The following EBF1 variants were observed in gnomAD, a reference collection of about 807,000 sequenced individuals.
The protein encoded by EBF1 is EBF transcription factor 1.
In EBF1, 10 loss-of-function variants were observed where a neutral mutation model predicts 68.4. The ratio of observed to expected loss-of-function variants is 0.15; its 90% confidence interval spans 0.09 to 0.25. EBF1 has a LOEUF of 0.25. Ranked by LOEUF, EBF1 falls within the 10% of genes least tolerant of loss-of-function variation. The probability of loss-of-function intolerance (pLI) is 1.00; values close to 1 mark genes in which losing one functional copy is unlikely to be tolerated. For missense variants in EBF1, 509 were observed against 794.4 expected (o/e 0.64, Z 4.32); for synonymous variants, 298 against 299.8 (o/e 0.99, Z 0.06).
At chr5:158,904,917 G>A (rs1265200763) in intron 6 of EBF1, among the ~76,000 whole-genome samples, 1 of 152,164 alleles carries the variant, frequency 6.6e-6, no homozygotes, top group Non-Finnish European at 1.5e-5. Flanking sequence ...AGACAACAAT[G>A]TGCCCTACTA....
At chr5:158,995,768 T>C (rs1380007096) in intron 6 of EBF1, among the ~76,000 whole-genome samples, 1 of 152,212 alleles carries the variant, frequency 6.6e-6, no homozygotes, top group Non-Finnish European at 1.5e-5. Flanking sequence ...CTCAGTTCCT[T>C]CTTTCTTCAT....
At chr5:159,047,760 T>A (rs1320030571) in intron 6 of EBF1, among the ~76,000 whole-genome samples, 1 of 152,170 alleles carries the variant, frequency 6.6e-6, no homozygotes, top group Non-Finnish European at 1.5e-5. Context: ...CATTGCCACA[T>A]ACCCCATTAC....
chr5:159,081,729 G>T (rs1363847649), intron 5 of EBF1, among the ~76,000 whole-genome samples: 2 of 152,154 alleles, frequency 1.3e-5, no homozygotes, highest in African/African-American at 4.8e-5. Context: ...CTGGGAACTA[G>T]GTTCACTGAC....
intron 4 of EBF1, among the ~76,000 whole-genome samples, chr5:159,091,197 G>A (rs552057922): frequency 1.3e-5 from 2 of 152,200 alleles, no homozygotes; most frequent in African/African-American, 2.4e-5. Context: ...AAATATCCCC[G>A]AACAAATGGC....
intron 9 of EBF1, among the ~76,000 whole-genome samples, chr5:158,783,862 G>A (rs1047159550): frequency 4.6e-5 from 7 of 152,186 alleles, no homozygotes; most frequent in African/African-American, 1.7e-4. Context: ...GAGGCAGCCT[G>A]CAAAGTCTGG....
intron 10 of EBF1, among the ~76,000 whole-genome samples, chr5:158,748,132 C>T (rs17634609): frequency 0.28 from 43,085 of 152,064 alleles, 6,535 homozygotes; most frequent in African/African-American, 0.37. Flanking sequence ...TCCACATATG[C>T]TACATAAAGA....
At chr5:158,821,629 A>C (rs917564699) in intron 8 of EBF1, among the ~76,000 whole-genome samples, 1 of 152,110 alleles carries the variant, frequency 6.6e-6, no homozygotes, top group Non-Finnish European at 1.5e-5. Flanking sequence ...GTATTTCCCT[A>C]ATTTTTTCTT....
chr5:159,097,129 C>G lies in EBF1; in HGVS notation c.136G>C (p.Gly46Arg). The G allele has an allele frequency of 6.2e-7, 1 of 1,613,368 alleles. No homozygotes were observed. The highest frequency in any genetic ancestry group is 2.2e-5 in the East Asian group (1 of 44,858). ...VLDANTAAQS[G>R]VGLARAHFEK... Reference sequence around the variant, plus strand: ...AAGTGAGCCCGGGCCAGACCCACCCCGCTGCGGCCAAAGACGCAGAGTTAG... The same window carrying G: ...AAGTGAGCCCGGGCCAGACCCACCCGGCTGCGGCCAAAGACGCAGAGTTAG... Residue 46 changes from glycine to arginine, a missense_variant and splice_region_variant, in exon 2 of 16, where the codon GGG becomes CGG. By Grantham distance (125) the Gly-to-Arg change is moderately radical. Around this residue, in one of 3 missense-constraint regions of EBF1, gnomAD observed 74 missense variants for 79.4 expected, o/e 0.93. Transcript: ENST00000313708.
intron 6 of EBF1, among the ~76,000 whole-genome samples, chr5:158,843,506 C>T (rs1790758269): frequency 1.3e-5 from 2 of 152,236 alleles, no homozygotes; most frequent in Admixed American, 1.3e-4. Context: ...TGGCCTGTCA[C>T]TTGGCATGCT....
chr5:158,771,135 A>C (rs1280605050), intron 10 of EBF1, among the ~76,000 whole-genome samples: 1 of 152,152 alleles, frequency 6.6e-6, no homozygotes, highest in Non-Finnish European at 1.5e-5. Flanking sequence ...CTTTACTCAT[A>C]ATCAAAGCTG....
At chr5:159,042,380 A>G (rs1323776008) in intron 6 of EBF1, among the ~76,000 whole-genome samples, 3 of 152,258 alleles carry the variant, frequency 2.0e-5, no homozygotes, top group African/African-American at 7.2e-5. Context: ...TCAAAGGCAA[A>G]GCCTGGACCC....
intron 6 of EBF1, among the ~76,000 whole-genome samples, chr5:159,042,867 A>T (rs1561867621): frequency 1.3e-5 from 2 of 151,828 alleles, no homozygotes; most frequent in African/African-American, 2.4e-5. Context: ...CAGTAAAAAA[A>T]AAAAAATAAA....
chr5:158,733,279 A>G (rs577118464), intron 10 of EBF1, among the ~76,000 whole-genome samples: 2 of 152,356 alleles, frequency 1.3e-5, no homozygotes, highest in South Asian at 2.1e-4. Flanking sequence ...ATCTGAAAAC[A>G]TAATTCAGCA....
At chr5:159,070,166 A>T (rs1193433394) in intron 6 of EBF1, among the ~76,000 whole-genome samples, 2 of 152,184 alleles carry the variant, frequency 1.3e-5, no homozygotes, top group East Asian at 3.8e-4. Flanking sequence ...ATGCAGCTCA[A>T]ATATCTGGAT....
chr5:158,818,863 C>T (rs1433132279), intron 8 of EBF1, among the ~76,000 whole-genome samples: 1 of 151,522 alleles, frequency 6.6e-6, no homozygotes, highest in Non-Finnish European at 1.5e-5. Flanking sequence ...ATTCTAAAAA[C>T]TCTTGACTAA....
At chr5:158,968,986 C>T (rs1754751976) in intron 6 of EBF1, among the ~76,000 whole-genome samples, 1 of 152,142 alleles carries the variant, frequency 6.6e-6, no homozygotes, top group Non-Finnish European at 1.5e-5. Context: ...CTGGATACCA[C>T]TGAAAATACA....
chr5:159,084,763 G>T, intron 4 of EBF1, 24 bp from the exon 5 acceptor site: 1 of 1,554,046 alleles, frequency 6.4e-7, no homozygotes, highest in South Asian at 1.2e-5. Flanking sequence ...CACAGTTTTA[G>T]CTAAGAATGG....
intron 6 of EBF1, among the ~76,000 whole-genome samples, chr5:158,936,664 C>T (rs187075140): frequency 6.6e-6 from 1 of 152,294 alleles, no homozygotes; most frequent in East Asian, 1.9e-4. Context: ...TGCAGTTTTC[C>T]AGCACATTTC....
intron 6 of EBF1, among the ~76,000 whole-genome samples, chr5:158,849,344 T>A (rs1453072343): frequency 2.0e-5 from 3 of 152,060 alleles, no homozygotes; most frequent in Non-Finnish European, 2.9e-5. Flanking sequence ...GAACATGAAA[T>A]CTCCTTCCTG....
Sources: allele counts gnomAD v4.1 joint callset (sites outside exome capture counted in the v4.1 genomes callset), GRCh38; gene constraint gnomAD v4.1.1; regional missense constraint gnomAD v4.1.1; transcripts MANE v1.5; gene names NCBI Gene and HGNC (gene_info 2026-07-23, HGNC 2026-07-21).